The following JAKMIP2 variants were observed in gnomAD, a reference collection of about 807,000 sequenced individuals.
JAKMIP2 encodes janus kinase and microtubule interacting protein 2.
A neutral mutation model predicts 115.0 loss-of-function variants in JAKMIP2; 25 were observed. That is an observed-to-expected ratio of 0.22 (90% CI 0.16 to 0.30). The LOEUF is 0.30. Ranked by LOEUF, JAKMIP2 falls within the 10% of genes least tolerant of loss-of-function variation. JAKMIP2 has a pLI of 1.00. For missense variants in JAKMIP2, 642 were observed against 957.6 expected, an observed-to-expected ratio of 0.67 and a Z score of 4.35; for synonymous variants, 334 against 343.6, an observed-to-expected ratio of 0.97 and a Z score of 0.31.
At position 147,702,264 on chromosome 5, in the gene JAKMIP2, G is replaced by A. The variant is rs112856900; in HGVS notation, c.-148-30310C>T. Among the ~76,000 whole-genome samples, 566 of 150,918 alleles carry A rather than the reference G, an allele frequency of 3.8e-3. 5 individuals carry two copies. The highest frequency in any genetic ancestry group is 0.013 in the African/African-American group (551 of 41,002). On this transcript the variant is annotated intron_variant, in intron 1 of 21. Transcript: ENST00000616793. ...AAACAGCTAAGCTATGAGGATGCAA[G>A]GGCATAAGAATGATACAATGGACTT... is the stretch of plus-strand genomic sequence containing the variant.
chr5:147,739,065 C>T (rs981114314), intron 1 of JAKMIP2, among the ~76,000 whole-genome samples: 3 of 152,050 alleles, frequency 2.0e-5, no homozygotes, highest in African/African-American at 7.2e-5. Context: ...GTAGGTCACA[C>T]CTGCTCCTTA....
At chr5:147,672,273 C>A (rs1259368994) in intron 1 of JAKMIP2, among the ~76,000 whole-genome samples, 1 of 152,224 alleles carries the variant, frequency 6.6e-6, no homozygotes, top group Non-Finnish European at 1.5e-5. Flanking sequence ...CTCACTGATA[C>A]TCCAAACATA....
chr5:147,715,697 C>T (rs1752950397), intron 1 of JAKMIP2, among the ~76,000 whole-genome samples: 1 of 151,738 alleles, frequency 6.6e-6, no homozygotes, highest in Non-Finnish European at 1.5e-5. Context: ...GGGAAATAGA[C>T]AAGACCATAG....
At chr5:147,659,904 T>C (rs1758873137) in intron 3 of JAKMIP2, among the ~76,000 whole-genome samples, 1 of 152,196 alleles carries the variant, frequency 6.6e-6, no homozygotes, top group African/African-American at 2.4e-5. Flanking sequence ...TGCTCTATGG[T>C]AACCACCTTG....
At chr5:147,724,698 A>G (rs1056180189) in intron 1 of JAKMIP2, among the ~76,000 whole-genome samples, 2 of 152,210 alleles carry the variant, frequency 1.3e-5, no homozygotes, top group Non-Finnish European at 2.9e-5. Context: ...ATATAGAAGG[A>G]AGATCTTACT....
At chr5:147,780,173 T>C (rs1454448931) in intron 1 of JAKMIP2, among the ~76,000 whole-genome samples, 3 of 152,166 alleles carry the variant, frequency 2.0e-5, no homozygotes, top group Non-Finnish European at 4.4e-5. Context: ...CACTTTTCTA[T>C]GGCCCCTTAG....
intron 1 of JAKMIP2, among the ~76,000 whole-genome samples, chr5:147,720,411 G>C (rs1753220314): frequency 6.7e-6 from 1 of 148,622 alleles, no homozygotes. Flanking sequence ...GCTAGATTGG[G>C]GAAGTTCTCC....
chr5:147,627,778 A>C (rs548457979), intron 16 of JAKMIP2, among the ~76,000 whole-genome samples: 8 of 151,686 alleles, frequency 5.3e-5, no homozygotes, highest in Middle Eastern at 6.8e-3. Context: ...GTCCACATTA[A>C]ATTTCTCCAG....
chr5:147,733,212 A>C (rs1753797834), intron 1 of JAKMIP2, among the ~76,000 whole-genome samples: 1 of 152,202 alleles, frequency 6.6e-6, no homozygotes, highest in Non-Finnish European at 1.5e-5. Context: ...TACTCATGAT[A>C]ATATAATTCA....
chr5:147,759,328 G>C (rs1372477968), intron 1 of JAKMIP2, among the ~76,000 whole-genome samples: 3 of 152,028 alleles, frequency 2.0e-5, no homozygotes, highest in African/African-American at 7.2e-5. Flanking sequence ...AAATGAGATG[G>C]CATATCAATT....
chr5:147,716,548 G>C (rs978878769), intron 1 of JAKMIP2, among the ~76,000 whole-genome samples: 1 of 152,088 alleles, frequency 6.6e-6, no homozygotes, highest in Non-Finnish European at 1.5e-5. Context: ...TAACTGGTGT[G>C]AGATGGTATC....
intron 1 of JAKMIP2, among the ~76,000 whole-genome samples, chr5:147,769,605 A>T (rs1420302018): frequency 6.6e-6 from 1 of 151,998 alleles, no homozygotes; most frequent in Non-Finnish European, 1.5e-5. Flanking sequence ...TGAAATTTTT[A>T]GTTTTTAAAG....
chr5:147,759,120 G>A (rs1394745545), intron 1 of JAKMIP2, among the ~76,000 whole-genome samples: 1 of 151,982 alleles, frequency 6.6e-6, no homozygotes, highest in African/African-American at 2.4e-5. Flanking sequence ...AAATAATTAA[G>A]AGGAAGAGTA....
chr5:147,648,392 T>A lies in JAKMIP2; in HGVS notation c.920A>T (p.Asp307Val). The change falls in exon 5 of 22, where the codon GAT becomes GTT. Residue 307 changes from aspartate to valine, a missense_variant. Asp to Val is a radical substitution (Grantham distance 152). Transcript: ENST00000616793. ...ATATCTCACCAGTTCATTTCGTTCATCTCCAAGCAAGGTATTCCTGTCTTC... is the reference window on the plus strand; with the variant it reads ...ATATCTCACCAGTTCATTTCGTTCAACTCCAAGCAAGGTATTCCTGTCTTC... Reference protein sequence around the residue: ...KLEDRNTLLGDERNELLKRVR... With the variant: ...KLEDRNTLLGVERNELLKRVR... The A allele has an allele frequency of 6.2e-7, 1 of 1,601,828 alleles. No homozygotes were observed. The highest frequency in any genetic ancestry group is 8.6e-7 in the Non-Finnish European group (1 of 1,169,386).
At chr5:147,732,032 T>C (rs1359327947) in intron 1 of JAKMIP2, among the ~76,000 whole-genome samples, 1 of 152,234 alleles carries the variant, frequency 6.6e-6, no homozygotes, top group Non-Finnish European at 1.5e-5. Context: ...TTGGAACATG[T>C]TGTATTATTA....
Position 147,713,107 on chromosome 5 carries a change from T to C in JAKMIP2, c.-148-41153A>G, listed in dbSNP as rs541095763. 3.3e-4 allele frequency among the ~76,000 whole-genome samples: 51 copies of C among 152,324 alleles called. 1 individual carries two copies. The highest frequency in any genetic ancestry group is 2.3e-3 in the Admixed American group (35 of 15,302). On this transcript the variant is annotated intron_variant, in intron 1 of 21. Transcript: ENST00000616793. ...TGTGTAAAATTCATTAGATACATTT[T>C]ATGTTTCAGACATCTATAGCCAGCA... is the stretch of plus-strand genomic sequence containing the variant.
At position 147,660,964 on chromosome 5, in the gene JAKMIP2, C is replaced by T. The variant is rs370226332; in HGVS notation, c.611G>A (p.Arg204Gln). The T allele has an allele frequency of 6.8e-6, 11 of 1,613,860 alleles. No homozygotes were observed. The highest frequency in any genetic ancestry group is 8.5e-6 in the Non-Finnish European group (10 of 1,179,986). The change falls in exon 3 of 22, where the codon CGG (arginine) becomes CAG (glutamine). Residue 204 changes from arginine to glutamine, a missense_variant. Arg to Gln is a conservative substitution (Grantham distance 43). Transcript: ENST00000616793. ...TGTACTAACCAGCCTCCGAATATCC[C>T]GCTCCGACTCCCACTTGATCTTCGA... Reference protein sequence around the residue: ...AISKIKWESERDIRRLMDEIK... With the variant: ...AISKIKWESEQDIRRLMDEIK...
intron 2 of JAKMIP2, among the ~76,000 whole-genome samples, chr5:147,665,201 C>T (rs1202217010): frequency 2.0e-5 from 3 of 152,176 alleles, no homozygotes; most frequent in East Asian, 3.8e-4. Context: ...CAGCCATGCC[C>T]ATTCATTTAC....
chr5:147,727,565 C>T (rs1030298628), intron 1 of JAKMIP2, among the ~76,000 whole-genome samples: 1 of 152,184 alleles, frequency 6.6e-6, no homozygotes, highest in Non-Finnish European at 1.5e-5. Flanking sequence ...AACTTACCGT[C>T]ATGAGAACAG....
Sources: gnomAD v4.1 joint callset for allele counts (sites outside exome capture counted in the v4.1 genomes callset) on GRCh38, gnomAD v4.1.1 for gene constraint, MANE v1.5 for transcripts, NCBI Gene and HGNC (gene_info 2026-07-23, HGNC 2026-07-21) for gene names.